TLN2: variants seen among roughly 807,000 people sequenced by gnomAD.
The protein encoded by TLN2 is talin 2.
TLN2 carries 118 observed loss-of-function variants against 294.7 expected under a neutral mutation model. That is an observed-to-expected ratio of 0.40 (90% CI 0.34 to 0.47). The LOEUF is 0.47. Among genes scored for constraint, TLN2 ranks in the 20% least tolerant of loss-of-function variants. The probability of loss-of-function intolerance (pLI) is 0.84; values close to 1 mark genes in which losing one functional copy is unlikely to be tolerated. For missense variants in TLN2, 3,083 were observed against 3,282.2 expected, an observed-to-expected ratio of 0.94 and a Z score of 1.48; for synonymous variants, 1,431 against 1,304.5, an observed-to-expected ratio of 1.10 and a Z score of -2.09.
intron 1 of TLN2, among the ~76,000 whole-genome samples, chr15:62,430,934 C>CA (rs10649000): frequency 0.013 from 1,818 of 143,642 alleles, 36 homozygotes; most frequent in African/African-American, 0.042. Context: ...CAGGAAAAGC[C>CA]AAAAAAAAAA....
chr15:62,522,941 TACACACAC>T (rs71129007), intron 1 of TLN2, among the ~76,000 whole-genome samples: 8,235 of 133,136 alleles, frequency 0.062, 281 homozygotes, highest in Non-Finnish European at 0.084. Flanking sequence ...GAATGTGGCT[TACACACAC>T]ACACACACAC....
intron 1 of TLN2, among the ~76,000 whole-genome samples, chr15:62,448,812 C>T (rs545147291): frequency 6.6e-6 from 1 of 152,304 alleles, no homozygotes; most frequent in East Asian, 1.9e-4. Flanking sequence ...CATGTACTGA[C>T]CTAGTTTAAA....
intron 1 of TLN2, among the ~76,000 whole-genome samples, chr15:62,394,431 A>G (rs1224671245): frequency 1.3e-5 from 2 of 152,256 alleles, no homozygotes; most frequent in East Asian, 3.8e-4. Context: ...GGAAAACATA[A>G]TAAGCAGGCC....
intron 1 of TLN2, among the ~76,000 whole-genome samples, chr15:62,515,036 A>G (rs1369087308): frequency 1.3e-5 from 2 of 152,198 alleles, no homozygotes; most frequent in African/African-American, 4.8e-5. Context: ...GGAACTCCCT[A>G]CACACTCTGT....
intron 1 of TLN2, among the ~76,000 whole-genome samples, chr15:62,409,397 T>G (rs1006142613): frequency 6.6e-6 from 1 of 152,190 alleles, no homozygotes; most frequent in African/African-American, 2.4e-5. Context: ...ACTGTTAGAT[T>G]GTTTATATTG....
rs1205369701 is a variant in TLN2, at chr15:62,800,442, C to T, written c.6309C>T (p.Ala2103=). 4 of 1,614,200 alleles carry T rather than the reference C, an allele frequency of 2.5e-6. 1 individual carries two copies. In the South Asian group the frequency reaches 3.3e-5, roughly 13 times the overall value. The change falls in exon 49 of 59, where the codon GCC becomes GCT. Residue 2103 remains alanine (A), a synonymous_variant. Transcript: ENST00000636159. ...SDLISATKGA[A]SKPVDDPSMY... is the part of the protein sequence containing the mutation. The stretch of plus-strand genomic sequence containing the variant: ...TCATCAGTGCTACCAAGGGAGCTGC[C>T]AGCAAGCCAGTGGACGACCCTTCCA...
intron 37 of TLN2, 47 bp from the exon 38 acceptor site, chr15:62,761,634 A>C: frequency 1.2e-6 from 2 of 1,612,262 alleles, no homozygotes; most frequent in Non-Finnish European, 1.7e-6. Context: ...TTCAGAAATA[A>C]TTTGTGCTTC....
At chr15:62,648,904 G>A (rs2140937614) in intron 4 of TLN2, among the ~76,000 whole-genome samples, 1 of 152,062 alleles carries the variant, frequency 6.6e-6, no homozygotes, top group African/African-American at 2.4e-5. Context: ...GGAGTGCAGT[G>A]GCCCCATCAC....
At chr15:62,429,421 C>G (rs142547214) in intron 1 of TLN2, among the ~76,000 whole-genome samples, 7 of 152,264 alleles carry the variant, frequency 4.6e-5, no homozygotes, top group African/African-American at 1.7e-4. Flanking sequence ...GTCTAGCCAA[C>G]TCTGCATTGT....
At chr15:62,450,770 A>G (rs2140320534) in intron 1 of TLN2, among the ~76,000 whole-genome samples, 1 of 152,100 alleles carries the variant, frequency 6.6e-6, no homozygotes, top group East Asian at 1.9e-4. Context: ...GAGATCTTGC[A>G]ATATTGCCCA....
At chr15:62,686,012 CTTTAA>C (rs1199249685) in intron 11 of TLN2, among the ~76,000 whole-genome samples, 1 of 151,280 alleles carries the variant, frequency 6.6e-6, no homozygotes, top group Admixed American at 6.6e-5. Flanking sequence ...CTGTCTCTGT[CTTTAA>C]TTTGTTTTGG....
At chr15:62,638,225 G>C (rs192546933) in intron 3 of TLN2, 1 of 299,958 alleles carries the variant, frequency 3.3e-6, no homozygotes, top group Non-Finnish European at 6.5e-6. Context: ...AGTGTGTTCT[G>C]TAGTGCACTA....
chr15:62,591,870 G>A lies in TLN2; in HGVS notation c.-162+2108G>A, dbSNP rs149702615. On this transcript the variant is annotated intron_variant, in intron 2 of 58. Transcript: ENST00000636159. ...GAAGAGCTTTCCTGACCAGAGGACC[G>A]TCTGAGAATCCAGGGGTGGATATTG... Among the ~76,000 whole-genome samples the A allele has an allele frequency of 1.7e-3, 255 of 152,284 alleles. 2 individuals carry two copies. The highest frequency in any genetic ancestry group is 5.9e-3 in the African/African-American group (245 of 41,550).
At chr15:62,405,003 T>G (rs2033301901) in intron 1 of TLN2, among the ~76,000 whole-genome samples, 1 of 152,158 alleles carries the variant, frequency 6.6e-6, no homozygotes, top group African/African-American at 2.4e-5. Flanking sequence ...TTTACTTTTA[T>G]TGTCAGTATT....
intron 19 of TLN2, 130 bp from the exon 20 acceptor site, chr15:62,706,956 A>G: frequency 4.2e-6 from 5 of 1,182,226 alleles, no homozygotes; most frequent in Non-Finnish European, 4.6e-6. Context: ...TGACATTTCA[A>G]AAAAAAGTAA....
intron 13 of TLN2, among the ~76,000 whole-genome samples, chr15:62,694,084 C>T (rs774809611): frequency 3.3e-5 from 5 of 151,204 alleles, no homozygotes; most frequent in Non-Finnish European, 5.9e-5. Flanking sequence ...TCTCCTGCCT[C>T]AGCTTCCGGT....
intron 41 of TLN2, among the ~76,000 whole-genome samples, chr15:62,769,688 C>G (rs8033211): frequency 0.6 from 91,729 of 151,830 alleles, 28,719 homozygotes; most frequent in Non-Finnish European, 0.68. Flanking sequence ...CCTGCTGGCC[C>G]AGTGACTGCT....
At chr15:62,757,527 C>T (rs1008954915) in intron 37 of TLN2, among the ~76,000 whole-genome samples, 5 of 152,136 alleles carry the variant, frequency 3.3e-5, no homozygotes, top group Admixed American at 2.6e-4. Flanking sequence ...ATTTCTGGAG[C>T]CCTTTCTTGT....
chr15:62,438,594 G>T (rs954240688), intron 1 of TLN2, among the ~76,000 whole-genome samples: 4 of 152,326 alleles, frequency 2.6e-5, no homozygotes, highest in Middle Eastern at 3.4e-3. Flanking sequence ...CGTAGCAAGT[G>T]TAAGAGGGAA....
Sources: gnomAD v4.1 joint callset for allele counts (sites outside exome capture counted in the v4.1 genomes callset) on GRCh38, gnomAD v4.1.1 for gene constraint, MANE v1.5 for transcripts, NCBI Gene and HGNC (gene_info 2026-07-23, HGNC 2026-07-21) for gene names.